The following ITGA1 variants were observed in gnomAD, a reference collection of about 807,000 sequenced individuals.
ITGA1 encodes the protein integrin subunit alpha 1, also known as integrin alpha-1.
In ITGA1, 85 loss-of-function variants were observed where a neutral mutation model predicts 145.9. That is an observed-to-expected ratio of 0.58 (90% confidence interval 0.49 to 0.70). The LOEUF (loss-of-function observed/expected upper bound fraction) is 0.70, where lower values mean the gene tolerates loss of function less well. Ranked by LOEUF, ITGA1 falls within the 30% of genes least tolerant of loss-of-function variation. ITGA1 has a pLI of 0.00. For synonymous variants in ITGA1, 520 were observed against 495.3 expected (o/e 1.05, Z -0.66); for missense variants, 1,351 against 1,418.7 (o/e 0.95, Z 0.77).
chr5:52,915,418 G>C (rs1307865378), intron 14 of ITGA1, 46 bp from the exon 15 acceptor site: 1 of 1,586,092 alleles, frequency 6.3e-7, no homozygotes, highest in Non-Finnish European at 8.6e-7. Flanking sequence ...AAACTGTTTT[G>C]AACAGACTCT....
chr5:52,851,851 T>C (rs1749436710), intron 2 of ITGA1, among the ~76,000 whole-genome samples: 1 of 152,200 alleles, frequency 6.6e-6, no homozygotes, highest in Non-Finnish European at 1.5e-5. Context: ...TCAACATGTA[T>C]TTATGTAATA....
chr5:52,951,716 C>G (rs1209263955), intron 28 of ITGA1, among the ~76,000 whole-genome samples: 1 of 151,956 alleles, frequency 6.6e-6, no homozygotes, highest in Non-Finnish European at 1.5e-5. Context: ...TTATGGTCAT[C>G]GATCATTTGA....
rs771667455 is a variant in ITGA1, at chr5:52,800,836, C to T, written c.61+12422C>T. On this transcript the variant is annotated intron_variant, in intron 1 of 28. Transcript: ENST00000282588. ...TGTGGTCATGCAGGAAGGCCTCGCC[C>T]ATATCTGCTTAGTCACTCCCAGCAT... 2.5e-6 allele frequency: 4 copies of T among 1,609,464 alleles called. No homozygotes were observed. The African/African-American group carries it at 5.3e-5, about 21-fold the overall frequency.
chr5:52,867,326 G>A (rs926671613), intron 6 of ITGA1: 3 of 152,148 alleles, frequency 2.0e-5, no homozygotes, highest in Non-Finnish European at 4.4e-5. Flanking sequence ...GTGAGTGGAA[G>A]GGTAAGGTTA....
At chr5:52,808,498 C>A (rs1029864280) in intron 1 of ITGA1, among the ~76,000 whole-genome samples, 4 of 152,234 alleles carry the variant, frequency 2.6e-5, no homozygotes, top group African/African-American at 9.6e-5. Context: ...CTAGTGTAAA[C>A]ATTGACTAGA....
chr5:52,861,528 A>T lies in ITGA1; in HGVS notation c.264A>T (p.Glu88Asp), dbSNP rs1209068979. 1 of 1,613,370 alleles carries T rather than the reference A, an allele frequency of 6.2e-7. No individual in the cohort carries two copies. The highest frequency in any genetic ancestry group is 8.5e-7 in the Non-Finnish European group (1 of 1,179,490). Residue 88 changes from glutamate (E) to aspartate (D), a missense_variant, in exon 3 of 29, where the codon GAA becomes GAT. By Grantham distance (45) the Glu-to-Asp change is conservative (BLOSUM62 2). Transcript: ENST00000282588. Reference protein sequence around the residue: ...DVYKCPVGRGESLPCVKLDLP... With the variant: ...DVYKCPVGRGDSLPCVKLDLP... ...ATAAGTGTCCAGTTGGGAGAGGTGA[A>T]TCATTACCTTGTGTAAAGTTGGATC...
chr5:52,944,152 T>C (rs1307551864), intron 26 of ITGA1, among the ~76,000 whole-genome samples: 1 of 152,120 alleles, frequency 6.6e-6, no homozygotes, highest in African/African-American at 2.4e-5. Flanking sequence ...GATGGGCACC[T>C]ATGTCTGTGC....
At chr5:52,802,094 G>A (rs1748500952) in intron 1 of ITGA1, 1 of 379,710 alleles carries the variant, frequency 2.6e-6, no homozygotes, top group Non-Finnish European at 4.8e-6. Flanking sequence ...TGAGTTATCT[G>A]TAGTACTTGG....
At chr5:52,912,268 CTACTATA>C (rs947925904) in intron 14 of ITGA1, among the ~76,000 whole-genome samples, 19 of 141,306 alleles carry the variant, frequency 1.3e-4, no homozygotes, top group Non-Finnish European at 2.3e-4. Context: ...TATAGTGTAT[CTACTATA>C]TACTATATAT....
At chr5:52,893,884 A>T (rs1236690567) in intron 9 of ITGA1, 44 bp downstream of exon 9, 3 of 1,480,310 alleles carry the variant, frequency 2.0e-6, no homozygotes, top group Non-Finnish European at 1.9e-6. Context: ...TCTGCAATTC[A>T]AAATCAGTAT....
chr5:52,854,515 A>G (rs1749477380), intron 2 of ITGA1, among the ~76,000 whole-genome samples: 1 of 152,178 alleles, frequency 6.6e-6, no homozygotes, highest in Non-Finnish European at 1.5e-5. Flanking sequence ...CTCTAAGATG[A>G]AAAAATGCTT....
Position 52,898,131 on chromosome 5 carries a change from A to G in ITGA1, c.1165-108A>G, listed in dbSNP as rs752860108. 2.8e-5 allele frequency: 17 copies of G among 612,780 alleles called. No homozygotes were observed. In the East Asian group the frequency reaches 5.1e-4, roughly 18 times the overall value. The allele number at this position is 612,780 out of a possible 1,614,324, so 38.0% of individuals were successfully genotyped here. ...ATCATGAGGATTATATAAGCTAACAAATGTAAAGCACTTTGAACAGTATAC... is the reference window on the plus strand; with the variant it reads ...ATCATGAGGATTATATAAGCTAACAGATGTAAAGCACTTTGAACAGTATAC... On this transcript the variant is annotated intron_variant, in intron 10 of 28. Transcript: ENST00000282588.
At chr5:52,939,159 TC>T (rs1437567386) in intron 24 of ITGA1, among the ~76,000 whole-genome samples, 1 of 152,176 alleles carries the variant, frequency 6.6e-6, no homozygotes, top group Non-Finnish European at 1.5e-5. Context: ...CACCTCGGCC[TC>T]CCAGAGTGCT....
intron 22 of ITGA1, 135 bp downstream of exon 22, chr5:52,932,271 C>T (rs146903504): frequency 3.8e-4 from 228 of 592,366 alleles, no homozygotes; most frequent in African/African-American, 3.5e-3. Context: ...CCACCAGAAA[C>T]CTACCAAATC....
intron 1 of ITGA1, among the ~76,000 whole-genome samples, chr5:52,831,781 T>A (rs1209071408): frequency 1.3e-5 from 2 of 151,954 alleles, no homozygotes; most frequent in African/African-American, 4.8e-5. Flanking sequence ...CTTTTATTAA[T>A]GTCCGCTGAA....
intron 26 of ITGA1, among the ~76,000 whole-genome samples, chr5:52,943,170 C>G (rs1751079411): frequency 6.6e-6 from 1 of 152,138 alleles, no homozygotes; most frequent in African/African-American, 2.4e-5. Context: ...GGGAATGGTT[C>G]CAGCTTTTGC....
intron 24 of ITGA1, among the ~76,000 whole-genome samples, chr5:52,938,725 AAT>A (rs1431624376): frequency 6.6e-6 from 1 of 152,148 alleles, no homozygotes; most frequent in African/African-American, 2.4e-5. Context: ...ATTTTAACAT[AAT>A]ATATTAACAT....
At chr5:52,791,886 A>G (rs1238014860) in intron 1 of ITGA1, among the ~76,000 whole-genome samples, 1 of 152,200 alleles carries the variant, frequency 6.6e-6, no homozygotes, top group African/African-American at 2.4e-5. Flanking sequence ...CTAATGACAA[A>G]TCTACTCAAT....
At chr5:52,886,418 A>C (rs1413059780) in intron 7 of ITGA1, among the ~76,000 whole-genome samples, 1 of 152,218 alleles carries the variant, frequency 6.6e-6, no homozygotes, top group Non-Finnish European at 1.5e-5. Context: ...TCTGTTGTGC[A>C]AACTCTTTGG....
Sources: gnomAD v4.1 joint callset for allele counts (sites outside exome capture counted in the v4.1 genomes callset) on GRCh38, gnomAD v4.1.1 for gene constraint, MANE v1.5 for transcripts, NCBI Gene and HGNC (gene_info 2026-07-23, HGNC 2026-07-21) for gene names.